PLAC1: variants seen among roughly 807,000 people sequenced by gnomAD.
PLAC1 encodes the protein placenta-specific protein 1.
For synonymous variants in PLAC1, 68 were observed against 62.1 expected, an observed-to-expected ratio of 1.09 and a Z score of -0.44; for missense variants, 136 against 163.2, an observed-to-expected ratio of 0.83 and a Z score of 0.91.
intron 1 of PLAC1, among the ~76,000 whole-genome samples, chrX:134,740,605 T>G (rs1305168136): frequency 9.0e-6 from 1 of 111,598 alleles, no homozygotes; most frequent in Non-Finnish European, 1.9e-5. Context: ...GTCCTAGAAG[T>G]TGTGAATGTG....
At chrX:134,704,159 A>C (rs965178163) in intron 2 of PLAC1, among the ~76,000 whole-genome samples, 27 of 108,499 alleles carry the variant, frequency 2.5e-4, no homozygotes, top group Non-Finnish European at 5.7e-5. Flanking sequence ...CAACTCAATC[A>C]AGGCAGAAAA....
intron 2 of PLAC1, among the ~76,000 whole-genome samples, chrX:134,719,088 G>A (rs1192015293): frequency 8.9e-6 from 1 of 112,023 alleles, no homozygotes; most frequent in Non-Finnish European, 1.9e-5. Context: ...CAGGGGGAGG[G>A]GAGAATGACG....
intron 2 of PLAC1, among the ~76,000 whole-genome samples, chrX:134,687,955 G>C (rs1306559962): frequency 9.9e-6 from 1 of 101,443 alleles, no homozygotes; most frequent in African/African-American, 3.7e-5. Context: ...GTGGGGACCT[G>C]GAGCTGTGCT....
chrX:134,590,626 GT>G (rs1425365179), intron 2 of PLAC1, among the ~76,000 whole-genome samples: 1 of 111,070 alleles, frequency 9.0e-6, no homozygotes, highest in African/African-American at 3.3e-5. Flanking sequence ...AGACTTTTTT[GT>G]TTTTTTGAGA....
chrX:134,693,375 A>G (rs1478935175), intron 2 of PLAC1, among the ~76,000 whole-genome samples: 1 of 112,560 alleles, frequency 8.9e-6, no homozygotes, highest in Non-Finnish European at 1.9e-5. Flanking sequence ...GACACATCAC[A>G]TATAAACCAC....
chrX:134,644,917 C>T (rs1327179612), intron 1 of PLAC1, among the ~76,000 whole-genome samples: 2 of 111,855 alleles, frequency 1.8e-5, no homozygotes, highest in African/African-American at 6.5e-5. Flanking sequence ...TCATCAAGTG[C>T]TCCATAGGCC....
intron 1 of PLAC1, among the ~76,000 whole-genome samples, chrX:134,617,904 C>T (rs956010679): frequency 8.9e-6 from 1 of 112,301 alleles, no homozygotes; most frequent in Non-Finnish European, 1.9e-5. Flanking sequence ...AACTTCTGGA[C>T]CTGCTTGTAT....
intron 2 of PLAC1, among the ~76,000 whole-genome samples, chrX:134,587,665 A>T (rs975072337): frequency 9.0e-6 from 1 of 111,510 alleles, no homozygotes; most frequent in Non-Finnish European, 1.9e-5. Context: ...TCAGTTCTCC[A>T]GAACAATTTC....
intron 1 of PLAC1, among the ~76,000 whole-genome samples, chrX:134,655,547 A>G (rs1344311989): frequency 8.9e-6 from 1 of 111,843 alleles, no homozygotes; most frequent in African/African-American, 3.3e-5. Context: ...TATTCCCCAA[A>G]TGTCTTTCAT....
intron 2 of PLAC1, among the ~76,000 whole-genome samples, chrX:134,580,213 A>G (rs988552369): frequency 5.3e-5 from 6 of 112,561 alleles, no homozygotes; most frequent in African/African-American, 1.9e-4. Context: ...GGGTCCACCC[A>G]CTAGACAAAA....
At chrX:134,612,238 T>C (rs1441504735) in intron 1 of PLAC1, among the ~76,000 whole-genome samples, 2 of 112,015 alleles carry the variant, frequency 1.8e-5, no homozygotes, top group African/African-American at 3.2e-5. Context: ...CACCTTGCCT[T>C]AATCAAGTCC....
intron 1 of PLAC1, among the ~76,000 whole-genome samples, chrX:134,763,473 A>T (rs1026886713): frequency 7.2e-5 from 8 of 111,245 alleles, no homozygotes; most frequent in African/African-American, 2.3e-4. Context: ...TTCCCCCCAG[A>T]AGCTAAAGGA....
chrX:134,754,757 T>G (rs1214010427), intron 1 of PLAC1, among the ~76,000 whole-genome samples: 1 of 63,137 alleles, frequency 1.6e-5, no homozygotes, highest in Admixed American at 2.4e-4. Context: ...CATTTATTGT[T>G]CTTTTTTTTT....
intron 2 of PLAC1, among the ~76,000 whole-genome samples, chrX:134,710,967 G>T (rs931860166): frequency 8.9e-6 from 1 of 111,826 alleles, no homozygotes; most frequent in Non-Finnish European, 1.9e-5. Context: ...TACCCAGTTT[G>T]GGAAACCACT....
At chrX:134,647,487 T>G in intron 1 of PLAC1, among the ~76,000 whole-genome samples, 1 of 108,565 alleles carries the variant, frequency 9.2e-6, no homozygotes, top group Non-Finnish European at 1.9e-5. Context: ...CCTCAGCCTC[T>G]CTGACTCCAG....
chrX:134,729,771 T>TTTTC (rs1259618268), intron 2 of PLAC1, among the ~76,000 whole-genome samples: 1 of 111,715 alleles, frequency 9.0e-6, no homozygotes, highest in Non-Finnish European at 1.9e-5. Flanking sequence ...TTCTGTTTCT[T>TTTTC]TTTCTTTCTT....
intron 2 of PLAC1, among the ~76,000 whole-genome samples, chrX:134,698,321 C>T (rs1016974138): frequency 8.1e-5 from 9 of 110,445 alleles, no homozygotes; most frequent in South Asian, 3.9e-4. Context: ...GGTGTGGTGG[C>T]GCACACCTGT....
intron 2 of PLAC1, among the ~76,000 whole-genome samples, chrX:134,703,774 G>T (rs12842380): frequency 9.1e-6 from 1 of 109,362 alleles, no homozygotes; most frequent in Non-Finnish European, 1.9e-5. Context: ...GACCAATTCC[G>T]GGGGGTATTG....
chrX:134,627,212 C>T (rs1334564668), intron 1 of PLAC1, among the ~76,000 whole-genome samples: 2 of 111,650 alleles, frequency 1.8e-5, no homozygotes, highest in Admixed American at 9.6e-5. Context: ...TAATTAGCTT[C>T]GACAACATTG....
Sources: gnomAD v4.1 joint callset for allele counts (sites outside exome capture counted in the v4.1 genomes callset) on GRCh38, gnomAD v4.1.1 for gene constraint, MANE v1.5 for transcripts, NCBI Gene and HGNC (gene_info 2026-07-23, HGNC 2026-07-21) for gene names.